LOXHD1: variants seen among roughly 807,000 people sequenced by gnomAD.
LOXHD1 encodes the protein lipoxygenase homology domain-containing protein 1.
Under a neutral mutation model 248.2 loss-of-function variants are expected in LOXHD1, and 205 were observed. The ratio of observed to expected loss-of-function variants is 0.83; its 90% CI spans 0.74 to 0.93. LOXHD1 has a LOEUF of 0.93. Ranked by LOEUF, LOXHD1 falls within the 40% of genes least tolerant of loss-of-function variation. The pLI, the probability that LOXHD1 is intolerant of heterozygous loss-of-function variation, is 0.00. For synonymous variants in LOXHD1, 1,113 were observed against 1,162.8 expected, an observed-to-expected ratio of 0.96 and a Z score of 0.87; for missense variants, 2,930 against 2,971.6, an observed-to-expected ratio of 0.99 and a Z score of 0.33.
At position 46,628,716 on chromosome 18, in the gene LOXHD1, C is replaced by T. The variant is rs115392028; in HGVS notation, c.512-10426G>A. Among the ~76,000 whole-genome samples the T allele has an allele frequency of 6.1e-3, 924 of 152,322 alleles. 12 individuals carry two copies. The highest frequency in any genetic ancestry group is 0.021 in the African/African-American group (885 of 41,578). ...GTGGGGGAAGAAGAAAGGGAAACATCAGGAGCTTAACCACAAGGACAAGCA... is the reference window on the plus strand; with the variant it reads ...GTGGGGGAAGAAGAAAGGGAAACATTAGGAGCTTAACCACAAGGACAAGCA... On this transcript the variant is annotated intron_variant, in intron 4 of 40. Transcript: ENST00000642948.
Position 46,524,455 on chromosome 18 carries a change from G to C in LOXHD1, c.4876+11C>G. The C allele has an allele frequency of 6.5e-7, 1 of 1,545,930 alleles. No individual in the cohort carries two copies. Among genetic ancestry groups the C allele is most frequent in the Non-Finnish European group, 8.8e-7 (1 of 1,142,092 alleles). On this transcript the variant is annotated intron_variant, in intron 31 of 40. Transcript: ENST00000642948. ...CTGGCCCCCGTCCAAAGAGCTCCCTGGTTGGCTTACTTGGGCCCTCTTGAA... is the reference window on the plus strand; with the variant it reads ...CTGGCCCCCGTCCAAAGAGCTCCCTCGTTGGCTTACTTGGGCCCTCTTGAA...
chr18:46,586,791 A>G (rs1324122933), intron 12 of LOXHD1, among the ~76,000 whole-genome samples: 1 of 152,242 alleles, frequency 6.6e-6, no homozygotes, highest in Admixed American at 6.5e-5. Context: ...TTGATAGTCC[A>G]TCTAAAATGA....
intron 34 of LOXHD1, among the ~76,000 whole-genome samples, chr18:46,516,584 C>T (rs1303192896): frequency 3.9e-5 from 6 of 152,144 alleles, no homozygotes. Flanking sequence ...ACCAACACCA[C>T]CTTCATCACA....
chr18:46,579,968 A>C (rs1349668304), intron 12 of LOXHD1, among the ~76,000 whole-genome samples, 184 bp from the exon 13 acceptor site: 1 of 152,218 alleles, frequency 6.6e-6, no homozygotes, highest in Admixed American at 6.5e-5. Context: ...GTCATCCCCA[A>C]GTCTCTTGGC....
intron 2 of LOXHD1, among the ~76,000 whole-genome samples, chr18:46,647,552 T>C (rs1443008196): frequency 6.6e-6 from 1 of 152,188 alleles, no homozygotes; most frequent in East Asian, 1.9e-4. Context: ...TGGGAACACA[T>C]GGCAAAGAGG....
At position 46,546,835 on chromosome 18, in the gene LOXHD1, G is replaced by C. The variant is rs1216847450; in HGVS notation, c.3514+60C>G. On this transcript the variant is annotated intron_variant, in intron 22 of 40. Coordinates refer to ENST00000642948, the MANE Select transcript of LOXHD1 (RefSeq NM_001384474.1). ...GAGGGAAGGAAGATGGAGACTTAGG[G>C]TTAGGGAGAGGCAGAGGGGAGGGGT... The C allele has an allele frequency of 2.0e-6, 3 of 1,507,186 alleles. No individual in the cohort carries two copies. The East Asian group carries it at 7.4e-5, about 37-fold the overall frequency. The allele number at this position is 1,507,186 out of a possible 1,614,324, so 93.4% of individuals were successfully genotyped here. A position where few individuals can be genotyped will look rare whatever the true frequency, so the allele number is the denominator to read the frequency against.
chr18:46,555,152 G>A (rs1256042780), intron 21 of LOXHD1: 3 of 470,942 alleles, frequency 6.4e-6, no homozygotes, highest in Admixed American at 4.7e-5. Context: ...GGGAAGCTGG[G>A]GATGTTCACA....
chr18:46,560,048 T>TGCCGTGCCCC, intron 19 of LOXHD1, 35 bp downstream of exon 19: 2 of 1,226,298 alleles, frequency 1.6e-6, no homozygotes, highest in Non-Finnish European at 2.3e-6. Flanking sequence ...GTCTGGCCAC[T>TGCCGTGCCCC]CCCTCCCCAC....
At position 46,509,756 on chromosome 18, in the gene LOXHD1, G is replaced by A; in HGVS notation, c.5459C>T (p.Thr1820Ile). 6.4e-7 allele frequency: 1 copy of A among 1,551,390 alleles called. No individual in the cohort carries two copies. The highest frequency in any genetic ancestry group is 1.7e-4 in the Middle Eastern group (1 of 5,926). The change falls in exon 35 of 41, where the codon ACC (threonine) becomes ATC (isoleucine). Residue 1820 changes from threonine to isoleucine, a missense_variant. Thr to Ile is a moderately conservative substitution (Grantham distance 89). Coordinates refer to ENST00000642948, the MANE Select transcript of LOXHD1 (RefSeq NM_001384474.1). ...GCCATCAATCCGGATCCGCATCTTG[G>A]TGAATGGAGCAATGTCTAGGATCTC... is the stretch of plus-strand genomic sequence containing the variant. The part of the protein sequence containing the change: ...IMEILDIAPF[T>I]KMRIRIDGLG...
At chr18:46,647,348 C>A (rs1239142740) in intron 2 of LOXHD1, among the ~76,000 whole-genome samples, 1 of 152,170 alleles carries the variant, frequency 6.6e-6, no homozygotes, top group Non-Finnish European at 1.5e-5. Context: ...GGGGCCCTTC[C>A]TGAGAAGACC....
chr18:46,549,066 T>C (rs963855231), intron 21 of LOXHD1, among the ~76,000 whole-genome samples: 2 of 152,150 alleles, frequency 1.3e-5, no homozygotes, highest in African/African-American at 2.4e-5. Flanking sequence ...CACATGAAGA[T>C]TTAGGACACC....
At chr18:46,624,599 C>T (rs1056239861) in intron 4 of LOXHD1, among the ~76,000 whole-genome samples, 1 of 152,204 alleles carries the variant, frequency 6.6e-6, no homozygotes, top group African/African-American at 2.4e-5. Flanking sequence ...GCCTCTCAGC[C>T]AGGCTCTCGT....
At chr18:46,620,994 C>T (rs1203753689) in intron 4 of LOXHD1, among the ~76,000 whole-genome samples, 1 of 152,190 alleles carries the variant, frequency 6.6e-6, no homozygotes, top group East Asian at 1.9e-4. Context: ...TGTCAGAGAT[C>T]AGGAGACCAG....
intron 38 of LOXHD1, among the ~76,000 whole-genome samples, chr18:46,485,795 C>T (rs555039814): frequency 1.3e-5 from 2 of 152,198 alleles, no homozygotes; most frequent in South Asian, 4.2e-4. Flanking sequence ...AGCCAAAGTA[C>T]CGTGGGGTAA....
chr18:46,502,861 C>T (rs946487057), intron 37 of LOXHD1, among the ~76,000 whole-genome samples: 2 of 152,148 alleles, frequency 1.3e-5, no homozygotes, highest in African/African-American at 4.8e-5. Context: ...TTAGGGAACC[C>T]CGTGCTTCTG....
intron 21 of LOXHD1, among the ~76,000 whole-genome samples, chr18:46,556,938 C>T (rs2037362793): frequency 6.6e-6 from 1 of 151,474 alleles, no homozygotes; most frequent in Non-Finnish European, 1.5e-5. Context: ...AGCTCACCCT[C>T]AGCCTCAGAC....
intron 4 of LOXHD1, among the ~76,000 whole-genome samples, chr18:46,636,839 C>T (rs766232218): frequency 3.3e-5 from 5 of 152,098 alleles, no homozygotes; most frequent in Admixed American, 1.3e-4. Context: ...TTTTCTTTAC[C>T]AATGCAGTCA....
intron 35 of LOXHD1, 30 bp from the exon 36 acceptor site, chr18:46,507,742 C>T (rs571314281): frequency 3.5e-5 from 53 of 1,535,612 alleles, no homozygotes; most frequent in Admixed American, 2.0e-4. Flanking sequence ...CGTGGGAATG[C>T]CCTGTCCTCC....
intron 4 of LOXHD1, among the ~76,000 whole-genome samples, chr18:46,625,975 C>G (rs2038736913): frequency 6.6e-6 from 1 of 152,172 alleles, no homozygotes; most frequent in Non-Finnish European, 1.5e-5. Context: ...ACCAGCACTT[C>G]TTGTATACTA....
Sources: gnomAD v4.1 joint callset for allele counts (sites outside exome capture counted in the v4.1 genomes callset) on GRCh38, gnomAD v4.1.1 for gene constraint, MANE v1.5 for transcripts, NCBI Gene and HGNC (gene_info 2026-07-23, HGNC 2026-07-21) for gene names.